Variants in NBAS observed in about 807,000 individuals in gnomAD.
NBAS encodes the protein NAG/BC035112 fusion.
Under a neutral mutation model 302.5 loss-of-function variants are expected in NBAS, and 219 were observed. That is an observed-to-expected ratio of 0.72 (90% CI 0.65 to 0.81). NBAS has a LOEUF of 0.81. Ranked by LOEUF, NBAS falls within the 30% of genes least tolerant of loss-of-function variation. The pLI, the probability that NBAS is intolerant of heterozygous loss-of-function variation, is 0.00. For synonymous variants in NBAS, 1,118 were observed against 1,021.6 expected (o/e 1.09, Z -1.80); for missense variants, 2,932 against 2,841.6 (o/e 1.03, Z -0.72).
chr2:15,289,730 G>A (rs1670216063), intron 41 of NBAS, among the ~76,000 whole-genome samples: 1 of 152,164 alleles, frequency 6.6e-6, no homozygotes, highest in Non-Finnish European at 1.5e-5. Context: ...GGGCGCGGTG[G>A]CTCATGCCTG....
chr2:15,172,006 G>C (rs187049505), intron 51 of NBAS, among the ~76,000 whole-genome samples: 24 of 152,264 alleles, frequency 1.6e-4, no homozygotes, highest in East Asian at 1.5e-3. Context: ...GGTAATATGA[G>C]CAAATTAATA....
chr2:15,155,245 A>C, the NBAS span, among the ~76,000 whole-genome samples: 1 of 152,190 alleles, frequency 6.6e-6, no homozygotes, highest in African/African-American at 2.4e-5. Context: ...CTAGAGAAAA[A>C]TATGTATGTC....
chr2:14,874,428 T>A, the NBAS span, among the ~76,000 whole-genome samples: 4 of 145,248 alleles, frequency 2.8e-5, no homozygotes, highest in Non-Finnish European at 4.5e-5. Flanking sequence ...AGATTGAGAC[T>A]ATCCTGTCTA....
chr2:15,305,426 T>C (rs912428864), intron 40 of NBAS, among the ~76,000 whole-genome samples: 3 of 151,768 alleles, frequency 2.0e-5, no homozygotes, highest in Admixed American at 6.6e-5. Flanking sequence ...TCTCTTTCTT[T>C]ATAAATTACT....
chr2:15,044,796 C>G, the NBAS span, among the ~76,000 whole-genome samples: 1 of 152,200 alleles, frequency 6.6e-6, no homozygotes. Flanking sequence ...CCCTAGCTTT[C>G]ATGCCTCTGA....
chr2:15,305,354 T>C (rs1429484938), intron 40 of NBAS, among the ~76,000 whole-genome samples: 2 of 151,992 alleles, frequency 1.3e-5, no homozygotes, highest in Non-Finnish European at 2.9e-5. Flanking sequence ...CCTTCCTCCA[T>C]GATTGTAAGT....
At chr2:15,495,986 C>A (rs1236521604) in intron 11 of NBAS, among the ~76,000 whole-genome samples, 3 of 151,816 alleles carry the variant, frequency 2.0e-5, no homozygotes, top group Non-Finnish European at 4.4e-5. Context: ...TTCACAGCAG[C>A]ATTATTTATA....
intron 50 of NBAS, among the ~76,000 whole-genome samples, chr2:15,183,336 G>A (rs920380232): frequency 6.6e-6 from 1 of 152,166 alleles, no homozygotes; most frequent in Non-Finnish European, 1.5e-5. Context: ...AGAAACTGAG[G>A]CAGCTTAAGG....
At chr2:14,841,821 T>G in the NBAS span, among the ~76,000 whole-genome samples, 1 of 151,974 alleles carries the variant, frequency 6.6e-6, no homozygotes, top group Non-Finnish European at 1.5e-5. Flanking sequence ...AAAGTTAAAC[T>G]ACACACTAGG....
At chr2:15,194,581 TAAAAG>T (rs1468551654) in intron 48 of NBAS, among the ~76,000 whole-genome samples, 1 of 152,072 alleles carries the variant, frequency 6.6e-6, no homozygotes, top group Non-Finnish European at 1.5e-5. Flanking sequence ...AAGAAAATGA[TAAAAG>T]AAGGAACTAT....
chr2:15,468,347 C>T (rs1572894496), intron 17 of NBAS, 35 bp downstream of exon 17: 2 of 1,612,328 alleles, frequency 1.2e-6, no homozygotes, highest in Non-Finnish European at 1.7e-6. Context: ...CACAAAGTCA[C>T]CTTTACTTTG....
the NBAS span, among the ~76,000 whole-genome samples, chr2:15,139,651 C>G: frequency 6.6e-6 from 1 of 152,172 alleles, no homozygotes; most frequent in Admixed American, 6.5e-5. Flanking sequence ...TTATTGGTCT[C>G]ATTTATGAAG....
At chr2:15,038,403 G>A in the NBAS span, among the ~76,000 whole-genome samples, 1 of 152,036 alleles carries the variant, frequency 6.6e-6, no homozygotes, top group Non-Finnish European at 1.5e-5. Flanking sequence ...GAGCCACCAC[G>A]CCCCGCCAAC....
the NBAS span, among the ~76,000 whole-genome samples, chr2:14,884,120 A>G: frequency 1.3e-4 from 20 of 152,290 alleles, no homozygotes; most frequent in South Asian, 4.1e-3. Context: ...CTTAGGATGC[A>G]TGCCCACAAC....
At chr2:15,476,694 G>A (rs982359432) in intron 13 of NBAS, among the ~76,000 whole-genome samples, 4 of 152,004 alleles carry the variant, frequency 2.6e-5, no homozygotes, top group South Asian at 2.1e-4. Flanking sequence ...CAGCCTGGGC[G>A]ACAGAGCGAG....
intron 44 of NBAS, among the ~76,000 whole-genome samples, chr2:15,242,397 G>C (rs1667904435): frequency 6.6e-6 from 1 of 152,124 alleles, no homozygotes. Flanking sequence ...CCTCTAAGAA[G>C]CAGAATGATA....
At chr2:15,093,441 T>C in the NBAS span, among the ~76,000 whole-genome samples, 1 of 152,142 alleles carries the variant, frequency 6.6e-6, no homozygotes. Flanking sequence ...AAGGGCACTA[T>C]TGTATTGCTG....
rs1380448363 is a variant in NBAS, at chr2:15,561,119, C to T, written c.117+69G>A. On this transcript the variant is annotated intron_variant, in intron 1 of 51. Transcript: ENST00000281513. ...CCGTCTCCACTCCCCTACGTGGCTCCTGCTACGTGGCTCTACCCACGAAGC... is the reference window on the plus strand; with the variant it reads ...CCGTCTCCACTCCCCTACGTGGCTCTTGCTACGTGGCTCTACCCACGAAGC... 1.3e-5 allele frequency: 18 copies of T among 1,409,884 alleles called. No homozygotes were observed. In the Middle Eastern group the frequency reaches 5.7e-4, roughly 45 times the overall value. 87.3% of individuals were successfully genotyped at this position (1,409,884 alleles called of 1,614,324 possible). A position where few individuals can be genotyped will look rare whatever the true frequency, so the allele number is the denominator to read the frequency against.
chr2:15,290,058 C>G (rs1484476684), intron 41 of NBAS, among the ~76,000 whole-genome samples: 1 of 115,596 alleles, frequency 8.7e-6, no homozygotes, highest in Non-Finnish European at 1.7e-5. Flanking sequence ...GGAGAGGGGA[C>G]AGAGGAGAGG....
Sources: gnomAD v4.1 joint callset for allele counts (sites outside exome capture counted in the v4.1 genomes callset) on GRCh38, gnomAD v4.1.1 for gene constraint, MANE v1.5 for transcripts, NCBI Gene and HGNC (gene_info 2026-07-23, HGNC 2026-07-21) for gene names.